Variants in NXPH1 observed in about 807,000 individuals in gnomAD.
The protein encoded by NXPH1 is neurexophilin-1.
Under a neutral mutation model 23.7 loss-of-function variants are expected in NXPH1, and 5 were observed. The observed-to-expected ratio is 0.21, with a 90% CI of 0.11 to 0.44. The LOEUF (loss-of-function observed/expected upper bound fraction) is 0.44, where lower values mean the gene tolerates loss of function less well. Ranked by LOEUF, NXPH1 falls within the 20% of genes least tolerant of loss-of-function variation. The probability of loss-of-function intolerance (pLI) is 0.99; values close to 1 mark genes in which losing one functional copy is unlikely to be tolerated. For missense variants in NXPH1, 324 were observed against 321.6 expected (o/e 1.01, Z -0.06); for synonymous variants, 144 against 122.2 (o/e 1.18, Z -1.18).
At chr7:8,579,325 G>A (rs1424942563) in intron 2 of NXPH1, among the ~76,000 whole-genome samples, 4 of 151,522 alleles carry the variant, frequency 2.6e-5, no homozygotes, top group Admixed American at 6.6e-5. Context: ...AAGGAACTTC[G>A]CTATTAATCT....
chr7:8,655,452 A>ACACG (rs1491121450), intron 2 of NXPH1, among the ~76,000 whole-genome samples: 28 of 11,446 alleles, frequency 2.4e-3, no homozygotes, highest in Non-Finnish European at 5.4e-3. Context: ...CTCTCTCTAT[A>ACACG]CACACACACA....
intron 2 of NXPH1, among the ~76,000 whole-genome samples, chr7:8,730,050 A>G (rs1780123142): frequency 6.6e-6 from 1 of 152,184 alleles, no homozygotes; most frequent in South Asian, 2.1e-4. Context: ...TATATTTAAG[A>G]CAATTAGCTC....
At chr7:8,694,405 C>G (rs143217562) in intron 2 of NXPH1, among the ~76,000 whole-genome samples, 1 of 152,204 alleles carries the variant, frequency 6.6e-6, no homozygotes, top group African/African-American at 2.4e-5. Context: ...TTTGGGGGAA[C>G]CACAGGGATG....
In NXPH1 at chr7:8,574,103, T is replaced by C. The variant is rs143553030; in HGVS notation, c.54+138336T>C. Among the ~76,000 whole-genome samples, 326 of 152,182 alleles carry C rather than the reference T, an allele frequency of 2.1e-3. 4 individuals are homozygous for C. The highest frequency in any genetic ancestry group is 7.4e-3 in the African/African-American group (306 of 41,514). ...CTGAGCAGGACCAGAAGAGCAAAAA[T>C]GGTATAAAAAGGCTATTCAGGTACA... On this transcript the variant is annotated intron_variant, in intron 2 of 2. Transcript: ENST00000405863.
At chr7:8,613,088 AC>A (rs1291727193) in intron 2 of NXPH1, among the ~76,000 whole-genome samples, 4 of 152,014 alleles carry the variant, frequency 2.6e-5, no homozygotes, top group Non-Finnish European at 5.9e-5. Flanking sequence ...ATCCACATTT[AC>A]ATAACCATGT....
intron 2 of NXPH1, among the ~76,000 whole-genome samples, chr7:8,649,589 G>A (rs1425374812): frequency 6.6e-6 from 1 of 152,220 alleles, no homozygotes; most frequent in Admixed American, 6.5e-5. Context: ...TTGGAGACGC[G>A]TTCTTTCCAG....
intron 2 of NXPH1, among the ~76,000 whole-genome samples, chr7:8,513,919 T>C (rs1308284336): frequency 6.6e-6 from 1 of 152,054 alleles, no homozygotes; most frequent in Non-Finnish European, 1.5e-5. Context: ...GTTGGCAAGG[T>C]TGGTTCTTTC....
chr7:8,609,106 T>C (rs1819562687), intron 2 of NXPH1, among the ~76,000 whole-genome samples: 2 of 152,144 alleles, frequency 1.3e-5, no homozygotes, highest in African/African-American at 2.4e-5. Context: ...TGTGGACTTA[T>C]TGTGTGCATA....
chr7:8,665,481 T>A (rs748010152), intron 2 of NXPH1, among the ~76,000 whole-genome samples: 1 of 152,092 alleles, frequency 6.6e-6, no homozygotes, highest in Non-Finnish European at 1.5e-5. Context: ...TTGTTCAAGA[T>A]TGCTTTGGCC....
chr7:8,683,243 T>G (rs1251098116), intron 2 of NXPH1, among the ~76,000 whole-genome samples: 1 of 152,198 alleles, frequency 6.6e-6, no homozygotes, highest in Non-Finnish European at 1.5e-5. Flanking sequence ...GAGCAAGAAC[T>G]CACTATTGTG....
chr7:8,548,170 T>C (rs1475230887), intron 2 of NXPH1, among the ~76,000 whole-genome samples: 1 of 151,514 alleles, frequency 6.6e-6, no homozygotes, highest in Non-Finnish European at 1.5e-5. Context: ...AGTGTTGAAG[T>C]TGACCTGTTT....
chr7:8,492,135 C>A (rs1351724424), intron 2 of NXPH1, among the ~76,000 whole-genome samples: 1 of 152,012 alleles, frequency 6.6e-6, no homozygotes, highest in Non-Finnish European at 1.5e-5. Context: ...TTAATAATGA[C>A]CAATCTTTTG....
chr7:8,462,239 G>A (rs540376643), intron 2 of NXPH1, among the ~76,000 whole-genome samples: 9 of 152,284 alleles, frequency 5.9e-5, no homozygotes, highest in Non-Finnish European at 5.9e-5. Flanking sequence ...AGTAGAGATG[G>A]GGTTTCACCA....
intron 2 of NXPH1, among the ~76,000 whole-genome samples, chr7:8,653,051 C>G (rs183698945): frequency 1.3e-5 from 2 of 151,872 alleles, no homozygotes; most frequent in African/African-American, 2.4e-5. Context: ...CATTTTGTCT[C>G]TTTTTAAGTT....
chr7:8,511,210 G>T (rs536014178), intron 2 of NXPH1, among the ~76,000 whole-genome samples: 4 of 152,182 alleles, frequency 2.6e-5, no homozygotes, highest in African/African-American at 9.6e-5. Flanking sequence ...GCAATCTGGG[G>T]CATTACTCAT....
chr7:8,560,116 A>C (rs1056805382), intron 2 of NXPH1, among the ~76,000 whole-genome samples: 5 of 151,726 alleles, frequency 3.3e-5, no homozygotes, highest in African/African-American at 4.8e-5. Context: ...AATATAACTC[A>C]TTGCTGCACA....
intron 2 of NXPH1, among the ~76,000 whole-genome samples, chr7:8,678,580 C>A (rs1820992333): frequency 6.6e-6 from 1 of 152,074 alleles, no homozygotes; most frequent in Non-Finnish European, 1.5e-5. Flanking sequence ...TTCAGGGGCA[C>A]CCATCCTCTC....
At chr7:8,552,199 G>T (rs925821403) in intron 2 of NXPH1, among the ~76,000 whole-genome samples, 1 of 149,954 alleles carries the variant, frequency 6.7e-6, no homozygotes, top group Non-Finnish European at 1.5e-5. Flanking sequence ...AAATCTGCAG[G>T]AGGCCTTGGT....
At chr7:8,493,093 G>C (rs1002176183) in intron 2 of NXPH1, among the ~76,000 whole-genome samples, 1 of 151,864 alleles carries the variant, frequency 6.6e-6, no homozygotes, top group South Asian at 2.1e-4. Flanking sequence ...CTCTCCTCTC[G>C]ACTATCTTTG....
Sources: allele counts gnomAD v4.1 joint callset (sites outside exome capture counted in the v4.1 genomes callset), GRCh38; gene constraint gnomAD v4.1.1; transcripts MANE v1.5; gene names NCBI Gene and HGNC (gene_info 2026-07-23, HGNC 2026-07-21).